Variants in PPP1R12B observed in about 807,000 individuals in gnomAD.
The protein encoded by PPP1R12B is myosin phosphatase target subunit 2.
In PPP1R12B, 76 loss-of-function variants were observed where a neutral mutation model predicts 126.1. The ratio of observed to expected loss-of-function variants is 0.60; its 90% CI spans 0.50 to 0.73. The LOEUF (loss-of-function observed/expected upper bound fraction) is 0.73, where lower values mean the gene tolerates loss of function less well. PPP1R12B is among the 30% of genes least tolerant of loss of function. The probability of loss-of-function intolerance (pLI) is 0.00; values close to 1 mark genes in which losing one functional copy is unlikely to be tolerated. For missense variants in PPP1R12B, 1,052 were observed against 1,205.1 expected (o/e 0.87, Z 1.88); for synonymous variants, 356 against 434.7 (o/e 0.82, Z 2.25).
intron 12 of PPP1R12B, among the ~76,000 whole-genome samples, chr1:202,445,447 G>A (rs1004590394): frequency 5.9e-5 from 9 of 152,186 alleles, no homozygotes; most frequent in African/African-American, 2.2e-4. Context: ...TGTACTTGGT[G>A]TTTGGACATC....
At chr1:202,452,227 G>A (rs1269831224) in intron 13 of PPP1R12B, among the ~76,000 whole-genome samples, 2 of 152,146 alleles carry the variant, frequency 1.3e-5, no homozygotes, top group African/African-American at 2.4e-5. Context: ...GTAGCGAGCC[G>A]AGATCACGCC....
chr1:202,356,289 G>A (rs1657087660), intron 1 of PPP1R12B, among the ~76,000 whole-genome samples: 1 of 152,174 alleles, frequency 6.6e-6, no homozygotes. Flanking sequence ...TTTGAGACAA[G>A]AGACTTGATT....
chr1:202,386,544 C>T lies in PPP1R12B; in HGVS notation c.292-30243C>T, dbSNP rs1430197524. On this transcript the variant is annotated intron_variant, in intron 1 of 23. Coordinates refer to ENST00000608999, the MANE Select transcript of PPP1R12B (RefSeq NM_002481.4). Reference sequence around the variant, plus strand: ...GACGGTGTTTCACCGGGGTCTCGATCTCCTGACCTCGTGATCCACCTGCCT... The same window carrying T: ...GACGGTGTTTCACCGGGGTCTCGATTTCCTGACCTCGTGATCCACCTGCCT... Among the ~76,000 whole-genome samples the T allele has an allele frequency of 2.0e-5, 3 of 152,080 alleles. No individual in the cohort carries two copies. In the South Asian group the frequency reaches 6.2e-4, roughly 32 times the overall value.
At chr1:202,438,351 TAGGGGTCCTGGATCCAG>T in intron 10 of PPP1R12B, 1 of 999,420 alleles carries the variant, frequency 1.0e-6, no homozygotes, top group South Asian at 1.4e-5. Context: ...GGACCCCAGG[TAGGGGTCCTGGATCCAG>T]AGGGCCAATT....
At chr1:202,351,817 G>C (rs371785424) in intron 1 of PPP1R12B, among the ~76,000 whole-genome samples, 3 of 152,220 alleles carry the variant, frequency 2.0e-5, no homozygotes, top group African/African-American at 7.2e-5. Context: ...AATACTGGGG[G>C]ACAATTTTTC....
intron 13 of PPP1R12B, among the ~76,000 whole-genome samples, chr1:202,476,151 CCT>C (rs1676612807): frequency 6.7e-6 from 1 of 150,012 alleles, no homozygotes; most frequent in African/African-American, 2.5e-5. Context: ...TTGCATTGAG[CCT>C]GAGATTGTGC....
chr1:202,405,099 T>G (rs926743952), intron 1 of PPP1R12B, among the ~76,000 whole-genome samples: 4 of 152,124 alleles, frequency 2.6e-5, no homozygotes, highest in Non-Finnish European at 1.5e-5. Context: ...TGAGACAAAT[T>G]CTTAACCTGT....
In PPP1R12B at chr1:202,508,497, A is replaced by G. The variant is rs970245717; in HGVS notation, c.2490+11675A>G. Among the ~76,000 whole-genome samples the G allele has an allele frequency of 2.0e-5, 3 of 152,238 alleles. No homozygotes were observed. The highest frequency in any genetic ancestry group is 7.2e-5 in the African/African-American group (3 of 41,462). ...ATACAAGTACTTATTATGGTCTTGG[A>G]GCTTATAGCTCTTGTTATGTTTCTG... On this transcript the variant is annotated intron_variant, in intron 18 of 23. Coordinates refer to ENST00000608999, the MANE Select transcript of PPP1R12B (RefSeq NM_002481.4). The surrounding 1 kb of genome is among the most constrained non-coding windows in gnomAD (Gnocchi z 4.5).
Position 202,514,574 on chromosome 1 carries a change from C to T in PPP1R12B, c.2490+17752C>T, listed in dbSNP as rs533462181. ...TATAGTTTGGGGTTTATATTTAAGT[C>T]TTTAATCCATCCTGAGTTGATTTTT... On this transcript the variant is annotated intron_variant, in intron 18 of 23. Coordinates refer to ENST00000608999, the MANE Select transcript of PPP1R12B (RefSeq NM_002481.4). Among the ~76,000 whole-genome samples the T allele has an allele frequency of 6.6e-5, 10 of 152,260 alleles. No individual in the cohort carries two copies. The South Asian group carries it at 2.1e-3, about 32-fold the overall frequency.
chr1:202,394,453 C>G (rs894667005), intron 1 of PPP1R12B, among the ~76,000 whole-genome samples: 3 of 151,542 alleles, frequency 2.0e-5, no homozygotes, highest in Admixed American at 6.6e-5. Context: ...TACTAGATTA[C>G]TTTAAGAAAA....
intron 1 of PPP1R12B, among the ~76,000 whole-genome samples, chr1:202,381,116 C>CCATA (rs1336061211): frequency 2.0e-5 from 3 of 152,148 alleles, no homozygotes; most frequent in Non-Finnish European, 4.4e-5. Flanking sequence ...CACACACATT[C>CCATA]CATACATACA....
Position 202,562,781 on chromosome 1 carries a change from G to C in PPP1R12B, c.2511G>C (p.Leu837Phe). 1 of 1,610,394 alleles carries C rather than the reference G, an allele frequency of 6.2e-7. No individual in the cohort carries two copies. The highest frequency in any genetic ancestry group is 8.5e-7 in the Non-Finnish European group (1 of 1,177,506). ...KETWHERLSR[L>F]ESGGSNPTTS... ...TCTTTAATATTATCTCCCACAGGTT[G>C]GAATCGGGAGGTAGTAATCCTACAA... Residue 837 changes from leucine (L) to phenylalanine (F), a missense_variant, in exon 20 of 24, where the codon TTG becomes TTC. By Grantham distance (22) the Leu-to-Phe change is conservative. Transcript: ENST00000608999.
chr1:202,514,779 G>T (rs754112146), intron 18 of PPP1R12B, among the ~76,000 whole-genome samples: 57 of 152,032 alleles, frequency 3.7e-4, no homozygotes, highest in Admixed American at 3.9e-4. Flanking sequence ...TATTCCATTG[G>T]TCTGTGTGCT....
chr1:202,364,567 T>A (rs7366341), intron 1 of PPP1R12B, among the ~76,000 whole-genome samples: 62,333 of 151,336 alleles, frequency 0.41, 14,991 homozygotes, highest in East Asian at 0.69. Flanking sequence ...TTAATTAATT[T>A]ATTTATTTTT....
At chr1:202,430,906 G>T (rs974004367) in intron 7 of PPP1R12B, 96 bp downstream of exon 7, 2 of 1,481,304 alleles carry the variant, frequency 1.4e-6, no homozygotes, top group Non-Finnish European at 1.8e-6. Context: ...CTCTGTGTTT[G>T]TATTTAGCCG....
intron 20 of PPP1R12B, 65 bp from the exon 21 acceptor site, chr1:202,564,378 C>G: frequency 8.1e-7 from 1 of 1,232,310 alleles, no homozygotes; most frequent in Non-Finnish European, 1.2e-6. Context: ...CCTGGGCATT[C>G]TCATGTGATG....
At chr1:202,359,253 C>T (rs1657698645) in intron 1 of PPP1R12B, among the ~76,000 whole-genome samples, 1 of 151,864 alleles carries the variant, frequency 6.6e-6, no homozygotes, top group African/African-American at 2.4e-5. Flanking sequence ...GTCTCAGCCT[C>T]CCAAGTAGCT....
intron 12 of PPP1R12B, chr1:202,448,544 A>G (rs1284314053): frequency 6.2e-6 from 1 of 161,094 alleles, no homozygotes; most frequent in Admixed American, 5.9e-5. Context: ...GGACTACCAC[A>G]AAGACTCCCA....
intron 1 of PPP1R12B, among the ~76,000 whole-genome samples, chr1:202,386,134 C>T (rs747982031): frequency 6.6e-6 from 1 of 151,706 alleles, no homozygotes. Flanking sequence ...GGGGTTTCAC[C>T]GTGTTAGCCA....
Sources: allele counts gnomAD v4.1 joint callset (sites outside exome capture counted in the v4.1 genomes callset), GRCh38; gene constraint gnomAD v4.1.1; non-coding constraint Gnocchi (gnomAD v3.1); transcripts MANE v1.5; gene names NCBI Gene and HGNC (gene_info 2026-07-23, HGNC 2026-07-21).